The following CACNA2D3 variants were observed in gnomAD, a reference collection of about 807,000 sequenced individuals.
The protein encoded by CACNA2D3 is calcium voltage-gated channel auxiliary subunit alpha2delta 3.
Under a neutral mutation model 160.6 loss-of-function variants are expected in CACNA2D3, and 60 were observed. The ratio of observed to expected loss-of-function variants is 0.37; its 90% CI spans 0.30 to 0.46. The LOEUF is 0.46. Among genes scored for constraint, CACNA2D3 ranks in the 20% least tolerant of loss-of-function variants. CACNA2D3 has a pLI of 1.00. For synonymous variants in CACNA2D3, 558 were observed against 492.9 expected, an observed-to-expected ratio of 1.13 and a Z score of -1.75; for missense variants, 1,205 against 1,365.0, an observed-to-expected ratio of 0.88 and a Z score of 1.85.
intron 13 of CACNA2D3, among the ~76,000 whole-genome samples, chr3:54,771,817 A>ACTGGGGGCAGAAAT (rs1702327842): frequency 1.3e-5 from 2 of 152,088 alleles, no homozygotes; most frequent in Admixed American, 1.3e-4. Flanking sequence ...TGGGGTGTGT[A>ACTGGGGGCAGAAAT]CTTGGGGCAG....
intron 13 of CACNA2D3, among the ~76,000 whole-genome samples, chr3:54,765,535 A>G (rs1013543750): frequency 1.3e-5 from 2 of 152,228 alleles, no homozygotes; most frequent in African/African-American, 4.8e-5. Flanking sequence ...CACCATATTA[A>G]CAATAGCAGC....
At chr3:54,805,508 G>C (rs1040037567) in intron 13 of CACNA2D3, among the ~76,000 whole-genome samples, 1 of 152,172 alleles carries the variant, frequency 6.6e-6, no homozygotes, top group African/African-American at 2.4e-5. Context: ...CCAGGAAGAA[G>C]TTGAATCTCT....
chr3:54,390,073 T>C (rs1190074926), intron 4 of CACNA2D3, among the ~76,000 whole-genome samples: 1 of 152,148 alleles, frequency 6.6e-6, no homozygotes, highest in African/African-American at 2.4e-5. Flanking sequence ...TAAAATCTGT[T>C]ATTTATGGCT....
At chr3:54,994,827 C>T (rs1338414179) in intron 31 of CACNA2D3, among the ~76,000 whole-genome samples, 1 of 152,234 alleles carries the variant, frequency 6.6e-6, no homozygotes, top group Non-Finnish European at 1.5e-5. Flanking sequence ...TCATGTCTCT[C>T]AGATTCCAGA....
intron 11 of CACNA2D3, among the ~76,000 whole-genome samples, chr3:54,721,094 C>A (rs146911496): frequency 6.6e-6 from 1 of 151,970 alleles, no homozygotes; most frequent in Admixed American, 6.6e-5. Context: ...CAGTGATTAC[C>A]CTAGAGGTTA....
Position 54,549,273 on chromosome 3 carries a change from C to T in CACNA2D3, c.545-13527C>T, listed in dbSNP as rs1231139655. Among the ~76,000 whole-genome samples the T allele has an allele frequency of 4.6e-5, 7 of 152,078 alleles. 1 individual carries two copies. Among genetic ancestry groups the T allele is most frequent in the East Asian group, 1.9e-4 (1 of 5,152 alleles). ...CATCCTGGCTAACACGGTGAAACCC[C>T]GTCTCTACTAAAAATACAAAAAATT... On this transcript the variant is annotated intron_variant, in intron 5 of 37. Coordinates refer to ENST00000474759, the MANE Select transcript of CACNA2D3 (RefSeq NM_018398.3).
At chr3:55,032,165 A>G (rs907209881) in intron 35 of CACNA2D3, among the ~76,000 whole-genome samples, 1 of 152,150 alleles carries the variant, frequency 6.6e-6, no homozygotes, top group African/African-American at 2.4e-5. Flanking sequence ...AACTCTCCTG[A>G]CCAATCTAAC....
intron 2 of CACNA2D3, among the ~76,000 whole-genome samples, chr3:54,144,689 G>A (rs779379493): frequency 1.3e-5 from 2 of 152,168 alleles, no homozygotes; most frequent in Non-Finnish European, 2.9e-5. Flanking sequence ...CTAGTTGTGT[G>A]GATTTGAGCA....
chr3:54,548,780 A>G (rs1170975160), intron 5 of CACNA2D3, among the ~76,000 whole-genome samples: 2 of 152,178 alleles, frequency 1.3e-5, no homozygotes, highest in South Asian at 2.1e-4. Context: ...GCATCATGGC[A>G]CAAAGGCATT....
At chr3:54,585,902 ATTGT>A (rs1246545527) in intron 9 of CACNA2D3, among the ~76,000 whole-genome samples, 2 of 152,140 alleles carry the variant, frequency 1.3e-5, no homozygotes, top group African/African-American at 4.8e-5. Flanking sequence ...CAAGGCAGAG[ATTGT>A]TTGAGTGGAT....
intron 2 of CACNA2D3, among the ~76,000 whole-genome samples, chr3:54,246,995 A>C (rs1315157494): frequency 1.3e-5 from 2 of 152,174 alleles, no homozygotes; most frequent in African/African-American, 4.8e-5. Context: ...CAACAAAAAG[A>C]CATACCCACA....
rs79125225 is a variant in CACNA2D3, at chr3:54,957,582, G to A, written c.2450-10868G>A. Among the ~76,000 whole-genome samples the A allele has an allele frequency of 2.0e-4, 31 of 152,316 alleles. No homozygotes were observed. The East Asian group carries it at 6.0e-3, about 29-fold the overall frequency. ...AAACTTATCAAACTAAAATGACAGA[G>A]CCTTGAGGTCTGGTGTGTGTGTTAG... On this transcript the variant is annotated intron_variant, in intron 27 of 37. Coordinates refer to ENST00000474759, the MANE Select transcript of CACNA2D3 (RefSeq NM_018398.3).
chr3:54,369,812 A>T (rs1349162901), intron 3 of CACNA2D3, among the ~76,000 whole-genome samples: 1 of 152,172 alleles, frequency 6.6e-6, no homozygotes, highest in East Asian at 1.9e-4. Context: ...CCTATAACTC[A>T]GACCTCTTAT....
chr3:54,687,980 G>A (rs1360334410), intron 11 of CACNA2D3, among the ~76,000 whole-genome samples: 1 of 152,148 alleles, frequency 6.6e-6, no homozygotes, highest in Non-Finnish European at 1.5e-5. Flanking sequence ...CTCATGAGTA[G>A]AACTCTGTGA....
At chr3:54,883,613 G>A (rs1699852707) in intron 21 of CACNA2D3, among the ~76,000 whole-genome samples, 1 of 152,148 alleles carries the variant, frequency 6.6e-6, no homozygotes, top group African/African-American at 2.4e-5. Context: ...GATGGGAACT[G>A]CAACTAGAAA....
At chr3:54,285,344 T>C (rs904284932) in intron 2 of CACNA2D3, among the ~76,000 whole-genome samples, 1 of 152,104 alleles carries the variant, frequency 6.6e-6, no homozygotes, top group African/African-American at 2.4e-5. Flanking sequence ...AGCACAGCAG[T>C]CTGAGATCAA....
chr3:54,436,968 A>G (rs562203117), intron 4 of CACNA2D3, among the ~76,000 whole-genome samples: 3 of 152,356 alleles, frequency 2.0e-5, no homozygotes, highest in African/African-American at 7.2e-5. Context: ...ACCTAAATGC[A>G]AGTAAGGCTT....
intron 2 of CACNA2D3, among the ~76,000 whole-genome samples, chr3:54,268,063 G>C (rs1479438884): frequency 6.6e-6 from 1 of 152,194 alleles, no homozygotes; most frequent in Non-Finnish European, 1.5e-5. Context: ...TTGGTATGTG[G>C]TTCATATTCA....
At chr3:54,190,273 A>G (rs940031114) in intron 2 of CACNA2D3, among the ~76,000 whole-genome samples, 1 of 152,258 alleles carries the variant, frequency 6.6e-6, no homozygotes, top group African/African-American at 2.4e-5. Flanking sequence ...GCCATGCTAC[A>G]GTATTCCTTA....
Sources: gnomAD v4.1 joint callset for allele counts (sites outside exome capture counted in the v4.1 genomes callset) on GRCh38, gnomAD v4.1.1 for gene constraint, MANE v1.5 for transcripts, NCBI Gene and HGNC (gene_info 2026-07-23, HGNC 2026-07-21) for gene names.